Variants in TRABD2A observed in about 807,000 individuals in gnomAD.
The protein encoded by TRABD2A is TraB domain containing 2A, also known as metalloprotease TIKI1.
Under a neutral mutation model 45.6 loss-of-function variants are expected in TRABD2A, and 43 were observed. The ratio of observed to expected loss-of-function variants is 0.94; its 90% CI spans 0.74 to 1.22. The LOEUF is 1.22. TRABD2A is among the 50% of genes most tolerant of loss of function. The pLI is 0.00. For missense variants in TRABD2A, 642 were observed against 652.4 expected (o/e 0.98, Z 0.17); for synonymous variants, 269 against 265.0 (o/e 1.02, Z -0.15).
At chr2:84,839,726 G>A (rs1387321976) in intron 3 of TRABD2A, among the ~76,000 whole-genome samples, 2 of 152,000 alleles carry the variant, frequency 1.3e-5, no homozygotes, top group Non-Finnish European at 2.9e-5. Flanking sequence ...TTCTATTACC[G>A]AAAACATGAA....
At chr2:84,861,766 C>G (rs1682507934) in intron 2 of TRABD2A, among the ~76,000 whole-genome samples, 1 of 152,224 alleles carries the variant, frequency 6.6e-6, no homozygotes, top group African/African-American at 2.4e-5. Flanking sequence ...CTGTATTCTG[C>G]TCAGCGATAA....
In TRABD2A at chr2:84,870,376, T is replaced by A. The variant is rs1483913476; in HGVS notation, c.518A>T (p.Asn173Ile). 10 of 1,613,802 alleles carry A rather than the reference T, an allele frequency of 6.2e-6. No homozygotes were observed. Among genetic ancestry groups the A allele is most frequent in the Non-Finnish European group, 8.5e-6 (10 of 1,179,874 alleles). Reference protein sequence around the residue: ...KRPVWVMLMVNSLTEVDIKSR... With the variant: ...KRPVWVMLMVISLTEVDIKSR... ...CTTAATGTCCACTTCAGTCAGGGAGTTGACCATGAGCATCACCCAGACAGG... is the reference window on the plus strand; with the variant it reads ...CTTAATGTCCACTTCAGTCAGGGAGATGACCATGAGCATCACCCAGACAGG... Residue 173 changes from asparagine to isoleucine, a missense_variant, in exon 2 of 7, where the codon AAC (asparagine) becomes ATC (isoleucine). Transcript: ENST00000409520.
At chr2:84,845,709 G>A (rs1681873373) in intron 2 of TRABD2A, among the ~76,000 whole-genome samples, 1 of 152,204 alleles carries the variant, frequency 6.6e-6, no homozygotes, top group African/African-American at 2.4e-5. Flanking sequence ...TTCATTCTGT[G>A]TCAACTAATC....
At chr2:84,831,215 C>T (rs1681325261) in intron 5 of TRABD2A, among the ~76,000 whole-genome samples, 2 of 152,166 alleles carry the variant, frequency 1.3e-5, no homozygotes, top group Middle Eastern at 3.4e-3. Context: ...TGCCATGTGC[C>T]GGCAGGAAGA....
chr2:84,856,979 G>T (rs1682332616), intron 2 of TRABD2A, among the ~76,000 whole-genome samples: 1 of 152,212 alleles, frequency 6.6e-6, no homozygotes. Flanking sequence ...CTTGTAAAAA[G>T]AGGAAGAGTC....
At chr2:84,874,386 T>G (rs1682960535) in intron 1 of TRABD2A, among the ~76,000 whole-genome samples, 2 of 152,226 alleles carry the variant, frequency 1.3e-5, no homozygotes, top group African/African-American at 4.8e-5. Context: ...ACTGTCCCAC[T>G]GCCTGCATTC....
intron 5 of TRABD2A, among the ~76,000 whole-genome samples, chr2:84,825,758 G>A (rs1387239228): frequency 6.6e-6 from 1 of 152,138 alleles, no homozygotes; most frequent in African/African-American, 2.4e-5. Flanking sequence ...AGCAGGATGT[G>A]AGTGGCAGGC....
chr2:84,879,704 AAC>A (rs902689758), intron 1 of TRABD2A: 2 of 681,228 alleles, frequency 2.9e-6, no homozygotes, highest in African/African-American at 3.9e-5. Flanking sequence ...GCCACACCGC[AAC>A]AGAGTTTGAA....
At chr2:84,823,895 T>A in intron 6 of TRABD2A, 58 bp downstream of exon 6, 2 of 1,591,208 alleles carry the variant, frequency 1.3e-6, no homozygotes, top group South Asian at 2.2e-5. Flanking sequence ...GGGGCATTCC[T>A]GGGTCCGCTC....
chr2:84,849,427 T>C (rs1362535935), intron 2 of TRABD2A: 2 of 152,258 alleles, frequency 1.3e-5, no homozygotes, highest in Admixed American at 1.3e-4. Flanking sequence ...TACCCACCCA[T>C]AAGCTTGCTT....
chr2:84,865,015 G>T (rs750483185), intron 2 of TRABD2A, among the ~76,000 whole-genome samples: 4 of 152,158 alleles, frequency 2.6e-5, no homozygotes, highest in Non-Finnish European at 5.9e-5. Flanking sequence ...CCTGGGGAGT[G>T]GGCTGCCTCA....
chr2:84,859,268 T>C (rs545174702), intron 2 of TRABD2A, among the ~76,000 whole-genome samples: 45 of 152,316 alleles, frequency 3.0e-4, no homozygotes, highest in Admixed American at 4.6e-4. Context: ...TGTAGTTTGG[T>C]CTTTTAATAC....
intron 5 of TRABD2A, among the ~76,000 whole-genome samples, chr2:84,827,096 C>T (rs1681172045): frequency 6.6e-6 from 1 of 152,158 alleles, no homozygotes; most frequent in Non-Finnish European, 1.5e-5. Context: ...GGGCTGGATC[C>T]CATCACAGGC....
rs55952015 is a variant in TRABD2A, at chr2:84,863,597, C to CTTTT, written c.669+6624_669+6627dup. On this transcript the variant is annotated intron_variant, in intron 2 of 6. Transcript: ENST00000409520. ...CTTAGAAAGGCTCTATTCAAATTTT[C>CTTTT]TTTTTTTTTTTTTTTTTTTTTTTTG... Among the ~76,000 whole-genome samples, 194 of 78,094 alleles carry CTTTT rather than the reference C, an allele frequency of 2.5e-3. 3 individuals are homozygous for CTTTT. Among genetic ancestry groups the CTTTT allele is most frequent in the African/African-American group, 3.4e-3 (69 of 20,488 alleles). 51.2% of individuals were successfully genotyped at this position (78,094 alleles called of 152,430 possible). A position where few individuals can be genotyped will look rare whatever the true frequency, so the allele number is the denominator to read the frequency against.
chr2:84,880,928 T>C lies in TRABD2A; in HGVS notation c.108+4A>G. On this transcript the variant is annotated splice_donor_region_variant and intron_variant, in intron 1 of 6. Coordinates refer to ENST00000409520, the MANE Select transcript of TRABD2A (RefSeq NM_001277053.2). ...GGCTCTCCAGCACCCGACGCGCGCCTTACTTGGGGCTTGAGCTCGCAGTTG... is the reference window on the plus strand; with the variant it reads ...GGCTCTCCAGCACCCGACGCGCGCCCTACTTGGGGCTTGAGCTCGCAGTTG... The C allele has an allele frequency of 1.9e-6, 3 of 1,589,462 alleles. No individual in the cohort carries two copies. Among genetic ancestry groups the C allele is most frequent in the Non-Finnish European group, 2.6e-6 (3 of 1,168,530 alleles).
At chr2:84,842,726 CAAAA>C (rs554936599) in intron 2 of TRABD2A, among the ~76,000 whole-genome samples, 2 of 101,402 alleles carry the variant, frequency 2.0e-5, no homozygotes, top group Non-Finnish European at 2.1e-5. Context: ...GACTCTGTCT[CAAAA>C]AAAAAAAAAA....
rs189676284 is a variant in TRABD2A, at chr2:84,848,809, A to T, written c.670-6802T>A. ...GGCTGGTCTTGAACTCCTGGCCTCA[A>T]GTGATCCACCCAACTCGGCCTCCCA... On this transcript the variant is annotated intron_variant, in intron 2 of 6. Transcript: ENST00000409520. Among the ~76,000 whole-genome samples the T allele has an allele frequency of 4.9e-3, 748 of 152,066 alleles. 5 individuals carry two copies. The highest frequency in any genetic ancestry group is 0.017 in the African/African-American group (719 of 41,486).
chr2:84,858,021 G>A (rs1364943413), intron 2 of TRABD2A, among the ~76,000 whole-genome samples: 3 of 152,002 alleles, frequency 2.0e-5, no homozygotes, highest in African/African-American at 4.8e-5. Flanking sequence ...GACTACAGGC[G>A]CTCACCACCA....
At chr2:84,842,107 GT>G (rs1559088423) in intron 2 of TRABD2A, 100 bp from the exon 3 acceptor site, 1 of 1,268,122 alleles carries the variant, frequency 7.9e-7, no homozygotes, top group African/African-American at 1.5e-5. Flanking sequence ...CTTTGTGCTC[GT>G]TATGTAAGGA....
Sources: gnomAD v4.1 joint callset for allele counts (sites outside exome capture counted in the v4.1 genomes callset) on GRCh38, gnomAD v4.1.1 for gene constraint, MANE v1.5 for transcripts, NCBI Gene and HGNC (gene_info 2026-07-23, HGNC 2026-07-21) for gene names.